Variants in ADRA1A observed in about 807,000 individuals in gnomAD.
ADRA1A encodes alpha-1A adrenergic receptor.
ADRA1A carries 31 observed loss-of-function variants against 29.6 expected under a neutral mutation model. That is an observed-to-expected ratio of 1.05 (90% CI 0.79 to 1.41). ADRA1A has a LOEUF of 1.41. ADRA1A is among the 40% of genes most tolerant of loss of function. The pLI, the probability that ADRA1A is intolerant of heterozygous loss-of-function variation, is 0.00. For synonymous variants in ADRA1A, 311 were observed against 254.3 expected (o/e 1.22, Z -2.12); for missense variants, 619 against 601.1 (o/e 1.03, Z -0.31).
At chr8:26,839,285 A>G (rs2130690885) in intron 2 of ADRA1A, among the ~76,000 whole-genome samples, 1 of 151,890 alleles carries the variant, frequency 6.6e-6, no homozygotes, top group Admixed American at 6.6e-5. Context: ...CAGCCTCCTA[A>G]GTAGCTGGGA....
At chr8:26,795,260 A>T (rs1808113336) in intron 2 of ADRA1A, among the ~76,000 whole-genome samples, 1 of 149,854 alleles carries the variant, frequency 6.7e-6, no homozygotes, top group East Asian at 2.2e-4. Context: ...TAAATGAACA[A>T]CCATTGGCCA....
chr8:26,830,955 G>C (rs1296141799), intron 2 of ADRA1A, among the ~76,000 whole-genome samples: 1 of 152,082 alleles, frequency 6.6e-6, no homozygotes, highest in East Asian at 1.9e-4. Context: ...TTAAATGACT[G>C]GATGAAAGCC....
chr8:26,799,572 G>C (rs566630423), intron 2 of ADRA1A, among the ~76,000 whole-genome samples: 19 of 152,312 alleles, frequency 1.2e-4, no homozygotes, highest in African/African-American at 4.3e-4. Flanking sequence ...TTGAGGCATG[G>C]CCTTAAGCTT....
rs1454948650 is a variant in ADRA1A at position 26,769,456 on chromosome 8, C to T, written c.*693G>A. 1.0e-6 allele frequency: 1 copy of T among 985,416 alleles called. No individual in the cohort carries two copies. Among genetic ancestry groups the T allele is most frequent in the African/African-American group, 1.7e-5 (1 of 57,344 alleles). 61.0% of individuals were successfully genotyped at this position (985,416 alleles called of 1,614,324 possible). A position where few individuals can be genotyped will look rare whatever the true frequency, so the allele number is the denominator to read the frequency against. On this transcript the variant is annotated 3_prime_UTR_variant, in exon 3 of 3. Coordinates refer to ENST00000380573, the MANE Select transcript of ADRA1A (RefSeq NM_000680.4). ...ATACCACCCTGGTTGGTTCTTTCAACCCTCTCCTGACCCAAGGATAGAGAA... is the reference window on the plus strand; with the variant it reads ...ATACCACCCTGGTTGGTTCTTTCAATCCTCTCCTGACCCAAGGATAGAGAA...
rs1326152221 is a variant in ADRA1A, at chr8:26,860,214, T to TCCC, written c.883+3870_883+3872dup. ...GCTATGACTAGTCAGAGCATCCACC[T>TCCC]CCCCTAGATGACTCCAGGACCCAGG... is the stretch of plus-strand genomic sequence containing the variant. On this transcript the variant is annotated intron_variant, in intron 2 of 2. Coordinates refer to ENST00000380573, the MANE Select transcript of ADRA1A (RefSeq NM_000680.4). The surrounding 1 kb of genome is among the most constrained non-coding windows in gnomAD (Gnocchi z 4.7). Among the ~76,000 whole-genome samples, 2 of 152,026 alleles carry TCCC rather than the reference T, an allele frequency of 1.3e-5. No homozygotes were observed. Among genetic ancestry groups the TCCC allele is most frequent in the African/African-American group, 4.8e-5 (2 of 41,376 alleles).
At chr8:26,753,166 T>C (rs1033551466), downstream of ADRA1A, among the ~76,000 whole-genome samples, 2 of 152,216 alleles carry the variant, frequency 1.3e-5, no homozygotes, top group African/African-American at 4.8e-5. Flanking sequence ...AGAACCTCCA[T>C]CAAAGAACTC....
intron 2 of ADRA1A, among the ~76,000 whole-genome samples, chr8:26,828,695 C>G (rs2130637820): frequency 6.6e-6 from 1 of 152,244 alleles, no homozygotes; most frequent in Non-Finnish European, 1.5e-5. Flanking sequence ...ATCACATTCT[C>G]TGTCGAACTC....
At position 26,803,153 on chromosome 8, in the gene ADRA1A, C is replaced by G. The variant is rs188125479; in HGVS notation, c.884-32487G>C. ...TATAGTTAGATATGAAGAATGATAT[C>G]TAGTATTTGATAGCATAACAGAGTG... is the stretch of plus-strand genomic sequence containing the variant. On this transcript the variant is annotated intron_variant, in intron 2 of 2. Transcript: ENST00000380573. Among the ~76,000 whole-genome samples the G allele has an allele frequency of 1.7e-4, 26 of 151,676 alleles. 2 individuals carry two copies. The highest frequency in any genetic ancestry group is 1.4e-3 in the Admixed American group (22 of 15,236).
intron 2 of ADRA1A, among the ~76,000 whole-genome samples, chr8:26,789,390 G>T (rs1336893154): frequency 6.6e-6 from 1 of 152,172 alleles, no homozygotes; most frequent in Non-Finnish European, 1.5e-5. Flanking sequence ...CAACAAAGCT[G>T]CCAAGAACAT....
rs150673785 is a variant in ADRA1A, at chr8:26,760,416, G to C, written c.1270-3637C>G. The stretch of plus-strand genomic sequence containing the variant: ...AGAGAGCTTTTAGCAGGGCCTGGCT[G>C]TCTACATCCTCATATCAAATCCAAA... On this transcript the variant is annotated intron_variant, in intron 2 of 2. Coordinates refer to the ADRA1A transcript ENST00000380582. 1.2e-3 allele frequency among the ~76,000 whole-genome samples: 190 copies of C among 152,294 alleles called. 1 individual carries two copies. Among genetic ancestry groups the C allele is most frequent in the Admixed American group, 0.01 (155 of 15,312 alleles).
rs1423762644 is a variant in ADRA1A at position 26,821,394 on chromosome 8, A to G, written c.883+42693T>C. ...ATCACATGGTGAGAGTGGGAGCAAG[A>G]CAGAGCAAGGGAGTGGGGAGGCCTC... On this transcript the variant is annotated intron_variant, in intron 2 of 2. Coordinates refer to ENST00000380573, the MANE Select transcript of ADRA1A (RefSeq NM_000680.4). This position sits in a 1 kb window ranked among gnomAD's most constrained non-coding sequence, Gnocchi z 5.6. 2.0e-5 allele frequency among the ~76,000 whole-genome samples: 3 copies of G among 152,168 alleles called. No individual in the cohort carries two copies. The highest frequency in any genetic ancestry group is 1.3e-4 in the Admixed American group (2 of 15,276).
At chr8:26,812,854 AC>A (rs1168734557) in intron 2 of ADRA1A, among the ~76,000 whole-genome samples, 26 of 151,034 alleles carry the variant, frequency 1.7e-4, no homozygotes, top group East Asian at 7.8e-4. Flanking sequence ...TTTAGTAGAG[AC>A]TGGAGTTTCA....
At position 26,787,487 on chromosome 8, in the gene ADRA1A, T is replaced by C. The variant is rs1807485534; in HGVS notation, c.884-16821A>G. On this transcript the variant is annotated intron_variant, in intron 2 of 2. Transcript: ENST00000380573. The surrounding 1 kb of genome is among the most constrained non-coding windows in gnomAD (Gnocchi z 4.2). Reference sequence around the variant, plus strand: ...CGCCTAAAAAACAATCAGGTAAGATTGGTCAGAAAGTATGATCTGTTATGT... The same window carrying C: ...CGCCTAAAAAACAATCAGGTAAGATCGGTCAGAAAGTATGATCTGTTATGT... 6.6e-6 allele frequency among the ~76,000 whole-genome samples: 1 copy of C among 152,156 alleles called. No homozygotes were observed. The highest frequency in any genetic ancestry group is 2.4e-5 in the African/African-American group (1 of 41,444).
At chr8:26,856,779 C>T (rs1033671421) in intron 2 of ADRA1A, among the ~76,000 whole-genome samples, 5 of 152,138 alleles carry the variant, frequency 3.3e-5, no homozygotes, top group Non-Finnish European at 7.3e-5. Flanking sequence ...ACACGGTTTT[C>T]GATAACTTAG....
chr8:26,859,140 G>T (rs779878293), intron 2 of ADRA1A: 4 of 1,289,798 alleles, frequency 3.1e-6, no homozygotes, highest in South Asian at 1.2e-5. Flanking sequence ...TTCCTCTCCC[G>T]CAGCCTAGTG....
At chr8:26,794,791 GT>G (rs903944608) in intron 2 of ADRA1A, among the ~76,000 whole-genome samples, 1 of 151,956 alleles carries the variant, frequency 6.6e-6, no homozygotes, top group African/African-American at 2.4e-5. Context: ...GAACAAAAGT[GT>G]TTCTTCTGCC....
chr8:26,764,319 T>C (rs1353445), downstream of ADRA1A, among the ~76,000 whole-genome samples: 14,388 of 152,196 alleles, frequency 0.095, 1,000 homozygotes, highest in East Asian at 0.33. Context: ...TTTCCTTGGC[T>C]CTGCTGCTGC....
intron 2 of ADRA1A, among the ~76,000 whole-genome samples, chr8:26,750,071 G>A (rs548699700): frequency 6.6e-6 from 1 of 152,314 alleles, no homozygotes; most frequent in South Asian, 2.1e-4. Flanking sequence ...CTGGAGGCTG[G>A]GAAGTTCAAA....
At chr8:26,819,945 AG>A (rs1810036738) in intron 2 of ADRA1A, among the ~76,000 whole-genome samples, 1 of 152,170 alleles carries the variant, frequency 6.6e-6, no homozygotes, top group South Asian at 2.1e-4. Context: ...AAAAGAGAGC[AG>A]GGGTAGCTAT....
Sources: gnomAD v4.1 joint callset for allele counts (sites outside exome capture counted in the v4.1 genomes callset) on GRCh38, gnomAD v4.1.1 for gene constraint, Gnocchi (gnomAD v3.1) non-coding constraint, MANE v1.5 for transcripts, NCBI Gene and HGNC (gene_info 2026-07-23, HGNC 2026-07-21) for gene names.